The following LDLRAD4 variants were observed in gnomAD, a reference collection of about 807,000 sequenced individuals.
LDLRAD4 encodes the protein low density lipoprotein receptor class A domain containing 4, also known as low-density lipoprotein receptor class A domain-containing protein 4.
LDLRAD4 carries 5 observed loss-of-function variants against 17.0 expected under a neutral mutation model. The observed-to-expected ratio is 0.29, with a 90% CI of 0.15 to 0.62. The LOEUF is 0.62. Among genes scored for constraint, LDLRAD4 ranks in the 20% least tolerant of loss-of-function variants. The pLI, the probability that LDLRAD4 is intolerant of heterozygous loss-of-function variation, is 0.84. For synonymous variants in LDLRAD4, 168 were observed against 171.8 expected, an observed-to-expected ratio of 0.98 and a Z score of 0.17; for missense variants, 340 against 424.7, an observed-to-expected ratio of 0.80 and a Z score of 1.75.
intron 3 of LDLRAD4, among the ~76,000 whole-genome samples, chr18:13,551,590 G>T (rs1434015987): frequency 2.6e-5 from 4 of 152,170 alleles, no homozygotes; most frequent in Non-Finnish European, 4.4e-5. Context: ...GGGAGTTACT[G>T]AGCAGACAGG....
At chr18:13,519,558 C>G (rs1376047865) in intron 3 of LDLRAD4, among the ~76,000 whole-genome samples, 1 of 152,086 alleles carries the variant, frequency 6.6e-6, no homozygotes, top group Non-Finnish European at 1.5e-5. Context: ...CTCAGGAGTT[C>G]GAGACCAGCC....
chr18:13,294,156 A>G (rs1034782895), intron 1 of LDLRAD4, among the ~76,000 whole-genome samples: 12 of 152,398 alleles, frequency 7.9e-5, no homozygotes, highest in Non-Finnish European at 1.5e-4. Flanking sequence ...ATAATGGAAC[A>G]CTGCGCATAA....
intron 2 of LDLRAD4, among the ~76,000 whole-genome samples, chr18:13,407,098 T>C (rs547928649): frequency 9.9e-4 from 151 of 152,290 alleles, no homozygotes; most frequent in Non-Finnish European, 1.7e-3. Flanking sequence ...AGCTTTTCTT[T>C]TGATGGGTTC....
rs190717077 is a variant in LDLRAD4, at chr18:13,517,883, C to T, written c.181+79499C>T. Among the ~76,000 whole-genome samples the T allele has an allele frequency of 1.4e-3, 218 of 152,252 alleles. 3 individuals are homozygous for T. Among genetic ancestry groups the T allele is most frequent in the African/African-American group, 5.1e-3 (212 of 41,554 alleles). On this transcript the variant is annotated intron_variant, in intron 3 of 5. Coordinates refer to ENST00000359446, the Ensembl canonical transcript of LDLRAD4. ...CCTCCCTAGTAGCTGGGACTACAGG[C>T]GCCCGCCACCACGCCTGGCTAATTT...
intron 2 of LDLRAD4, among the ~76,000 whole-genome samples, chr18:13,410,356 A>C (rs1384862062): frequency 1.3e-5 from 2 of 152,222 alleles, no homozygotes; most frequent in Admixed American, 1.3e-4. Flanking sequence ...GGAGTATGCC[A>C]ATTTAATTTC....
At chr18:13,370,597 G>A (rs925156815) in intron 1 of LDLRAD4, among the ~76,000 whole-genome samples, 4 of 152,138 alleles carry the variant, frequency 2.6e-5, no homozygotes, top group Admixed American at 6.5e-5. Context: ...CTTGCTGTGC[G>A]GAAGTGGCCC....
At chr18:13,554,398 A>G (rs1212028916) in intron 3 of LDLRAD4, among the ~76,000 whole-genome samples, 1 of 152,128 alleles carries the variant, frequency 6.6e-6, no homozygotes, top group Admixed American at 6.5e-5. Context: ...CTAGTTGTAT[A>G]TTTTGGTAGT....
At chr18:13,272,213 G>T (rs1402473716) in intron 1 of LDLRAD4, among the ~76,000 whole-genome samples, 2 of 152,184 alleles carry the variant, frequency 1.3e-5, no homozygotes, top group African/African-American at 4.8e-5. Flanking sequence ...GACTTTGAGG[G>T]ATGCTCCTGA....
chr18:13,219,875 A>C (rs1025965878), intron 1 of LDLRAD4, among the ~76,000 whole-genome samples: 1 of 152,210 alleles, frequency 6.6e-6, no homozygotes. Context: ...TCATGTCTGC[A>C]TTCTGTATAT....
At chr18:13,605,958 G>T (rs565277868) in intron 3 of LDLRAD4, among the ~76,000 whole-genome samples, 1 of 152,126 alleles carries the variant, frequency 6.6e-6, no homozygotes, top group Admixed American at 6.5e-5. Flanking sequence ...AGGTCTGGGC[G>T]GGGCTCAAGA....
rs533999558 is a variant in LDLRAD4, at chr18:13,511,947, A to G, written c.181+73563A>G. Among the ~76,000 whole-genome samples the G allele has an allele frequency of 3.3e-5, 5 of 152,372 alleles. No individual in the cohort carries two copies. In the South Asian group the frequency reaches 1.0e-3, roughly 32 times the overall value. ...TGGCATGGGGCATGTTCTGGGGACC[A>G]GAAAGATGTACAACATCTGGGATGT... On this transcript the variant is annotated intron_variant, in intron 3 of 5. Coordinates refer to ENST00000359446, the Ensembl canonical transcript of LDLRAD4.
intron 1 of LDLRAD4, among the ~76,000 whole-genome samples, chr18:13,348,950 C>G (rs1043791537): frequency 6.6e-6 from 1 of 152,194 alleles, no homozygotes; most frequent in Admixed American, 6.5e-5. Flanking sequence ...GAGAGTGACC[C>G]GATTTTCCAG....
At chr18:13,509,142 C>T (rs1472303678) in intron 3 of LDLRAD4, among the ~76,000 whole-genome samples, 4 of 152,290 alleles carry the variant, frequency 2.6e-5, no homozygotes, top group African/African-American at 9.6e-5. Flanking sequence ...CATCTGTACA[C>T]AAAATTTAAA....
intron 3 of LDLRAD4, among the ~76,000 whole-genome samples, chr18:13,572,087 T>C (rs1027745869): frequency 6.6e-6 from 1 of 152,174 alleles, no homozygotes; most frequent in Non-Finnish European, 1.5e-5. Context: ...TGAAATGACA[T>C]GTGACAAAAT....
chr18:13,519,496 C>T (rs2093920775), intron 3 of LDLRAD4, among the ~76,000 whole-genome samples: 1 of 152,206 alleles, frequency 6.6e-6, no homozygotes, highest in Admixed American at 6.5e-5. Context: ...CGCAGTGACT[C>T]ATGCCTGTAA....
intron 1 of LDLRAD4, among the ~76,000 whole-genome samples, chr18:13,222,533 G>A (rs1218550904): frequency 3.9e-5 from 6 of 152,214 alleles, no homozygotes; most frequent in Non-Finnish European, 8.8e-5. Flanking sequence ...ACCGCTGTCT[G>A]CAACACGCTT....
chr18:13,530,837 G>A (rs571579143), intron 3 of LDLRAD4, among the ~76,000 whole-genome samples: 40 of 150,292 alleles, frequency 2.7e-4, no homozygotes, highest in African/African-American at 8.8e-4. Context: ...CATAGCATTT[G>A]GTGAGCAGCC....
chr18:13,463,282 C>A (rs1441981242), intron 3 of LDLRAD4, among the ~76,000 whole-genome samples: 4 of 152,184 alleles, frequency 2.6e-5, no homozygotes, highest in Admixed American at 6.5e-5. Flanking sequence ...TTTCTCTATT[C>A]CCTTCCTGTA....
At chr18:13,365,956 G>A (rs2084025994) in intron 1 of LDLRAD4, among the ~76,000 whole-genome samples, 1 of 152,188 alleles carries the variant, frequency 6.6e-6, no homozygotes, top group African/African-American at 2.4e-5. Context: ...TGTATCTTTA[G>A]TAGAGAAGGG....
Sources: gnomAD v4.1 joint callset for allele counts (sites outside exome capture counted in the v4.1 genomes callset) on GRCh38, gnomAD v4.1.1 for gene constraint, MANE v1.5 for transcripts, NCBI Gene and HGNC (gene_info 2026-07-23, HGNC 2026-07-21) for gene names.